SLC30A7: variants seen among roughly 807,000 people sequenced by gnomAD.
SLC30A7 encodes zinc transporter 7.
Under a neutral mutation model 46.0 loss-of-function variants are expected in SLC30A7, and 35 were observed. The ratio of observed to expected loss-of-function variants is 0.76; its 90% CI spans 0.58 to 1.01. The LOEUF (loss-of-function observed/expected upper bound fraction) is 1.01. Among genes scored for constraint, SLC30A7 ranks in the 50% least tolerant of loss-of-function variants. SLC30A7 has a pLI of 0.00. For missense variants in SLC30A7, 464 were observed against 451.1 expected, an observed-to-expected ratio of 1.03 and a Z score of -0.26; for synonymous variants, 147 against 157.8, an observed-to-expected ratio of 0.93 and a Z score of 0.51.
intron 8 of SLC30A7, among the ~76,000 whole-genome samples, chr1:100,960,353 G>C (rs898559404): frequency 6.6e-6 from 1 of 152,094 alleles, no homozygotes; most frequent in Non-Finnish European, 1.5e-5. Context: ...CCTGTGCCCT[G>C]TGCCCTTCTT....
chr1:100,901,601 C>T lies in SLC30A7; in HGVS notation c.182+4930C>T, dbSNP rs115467320. The stretch of plus-strand genomic sequence containing the variant: ...TCCCAAGTAGCTGGGAGTACAGCCA[C>T]GCCTGGCTAATTTTTGTATTTTTAG... On this transcript the variant is annotated intron_variant, in intron 2 of 10. Coordinates refer to ENST00000357650, the MANE Select transcript of SLC30A7 (RefSeq NM_133496.5). Among the ~76,000 whole-genome samples, 314 of 152,142 alleles carry T rather than the reference C, an allele frequency of 2.1e-3. 5 individuals carry two copies. The highest frequency in any genetic ancestry group is 7.3e-3 in the African/African-American group (303 of 41,514).
intron 8 of SLC30A7, among the ~76,000 whole-genome samples, chr1:100,932,781 A>G (rs967386410): frequency 6.6e-6 from 1 of 152,178 alleles, no homozygotes; most frequent in African/African-American, 2.4e-5. Flanking sequence ...ATACAGAGCT[A>G]GACTATAAAA....
intron 2 of SLC30A7, among the ~76,000 whole-genome samples, chr1:100,902,616 C>G (rs1651379270): frequency 6.6e-6 from 1 of 152,140 alleles, no homozygotes; most frequent in Non-Finnish European, 1.5e-5. Flanking sequence ...CTTCTGAGAG[C>G]TCTGAGGAAG....
In SLC30A7 at chr1:100,977,264, C is replaced by T. The variant is rs1656584395; in HGVS notation, c.*2407C>T. 1 of 152,130 alleles carries T rather than the reference C, an allele frequency of 6.6e-6. No individual in the cohort carries two copies. The highest frequency in any genetic ancestry group is 2.1e-4 in the South Asian group (1 of 4,828). The allele number at this position is 152,130 out of a possible 1,614,324, so 9.4% of individuals were successfully genotyped here. A position where few individuals can be genotyped will look rare whatever the true frequency, so the allele number is the denominator to read the frequency against. On this transcript the variant is annotated 3_prime_UTR_variant, in exon 11 of 11. Coordinates refer to ENST00000357650, the MANE Select transcript of SLC30A7 (RefSeq NM_133496.5). Reference sequence around the variant, plus strand: ...ATATGAATCATTTTATTTGACTGTACTATCAGTACACAAATGCATGAGTAT... The same window carrying T: ...ATATGAATCATTTTATTTGACTGTATTATCAGTACACAAATGCATGAGTAT...
At chr1:100,945,773 C>CT (rs1276032693) in intron 8 of SLC30A7, among the ~76,000 whole-genome samples, 1 of 152,140 alleles carries the variant, frequency 6.6e-6, no homozygotes, top group Non-Finnish European at 1.5e-5. Context: ...AATGCGGGCT[C>CT]TTTTTTGGTT....
Position 100,976,546 on chromosome 1 carries a change from G to T in SLC30A7, c.*1689G>T, listed in dbSNP as rs112441610. ...TCTCTGTGTTTTATGAAGAGAAAAT[G>T]ATCTGATTTTCCCTTATACTTCATT... On this transcript the variant is annotated 3_prime_UTR_variant, in exon 11 of 11. Coordinates refer to ENST00000357650, the MANE Select transcript of SLC30A7 (RefSeq NM_133496.5). 3.9e-5 allele frequency: 6 copies of T among 152,270 alleles called. No homozygotes were observed. The highest frequency in any genetic ancestry group is 1.2e-4 in the African/African-American group (5 of 41,554). 9.4% of individuals were successfully genotyped at this position (152,270 alleles called of 1,614,324 possible).
intron 8 of SLC30A7, among the ~76,000 whole-genome samples, chr1:100,951,545 A>G (rs1174712896): frequency 6.6e-6 from 1 of 152,162 alleles, no homozygotes; most frequent in East Asian, 1.9e-4. Context: ...TAATGCTCCA[A>G]GGTGCACCTC....
At chr1:100,948,397 C>T (rs184589224) in intron 8 of SLC30A7, among the ~76,000 whole-genome samples, 32 of 152,304 alleles carry the variant, frequency 2.1e-4, no homozygotes, top group African/African-American at 7.2e-4. Flanking sequence ...TTTAGGGTTT[C>T]TGCTGAGAGA....
the SLC30A7 span, chr1:100,992,517 A>G: frequency 1.5e-6 from 1 of 648,916 alleles, no homozygotes; most frequent in East Asian, 2.8e-5. Context: ...ATGACAAGAA[A>G]TAGTACAATA....
chr1:100,951,587 C>G lies in SLC30A7; in HGVS notation c.843-10241C>G, dbSNP rs115523210. On this transcript the variant is annotated intron_variant, in intron 8 of 10. Transcript: ENST00000357650. ...TCAGTTAGCACTGTCTCCCTACTGC[C>G]CAGTGTGCTCATGCCAGGCTCGTGG... 6.4e-3 allele frequency among the ~76,000 whole-genome samples: 971 copies of G among 152,244 alleles called. 4 individuals carry two copies. Among genetic ancestry groups the G allele is most frequent in the Admixed American group, 0.011 (163 of 15,294 alleles).
chr1:100,941,225 A>G, intron 8 of SLC30A7: 1 of 374,866 alleles, frequency 2.7e-6, no homozygotes, highest in Non-Finnish European at 5.2e-6. Context: ...TGCTTCCATT[A>G]TTACAAAATC....
chr1:100,927,853 A>G (rs58029001), intron 8 of SLC30A7, among the ~76,000 whole-genome samples: 42,446 of 152,002 alleles, frequency 0.28, 6,078 homozygotes, highest in Middle Eastern at 0.36. Flanking sequence ...GATAGGGTCA[A>G]TCTAATCCAC....
chr1:100,993,732 A>T, the SLC30A7 span, among the ~76,000 whole-genome samples: 1 of 150,934 alleles, frequency 6.6e-6, no homozygotes. Context: ...TATTAACAAA[A>T]AAGTTTGTAA....
intron 8 of SLC30A7, among the ~76,000 whole-genome samples, chr1:100,949,176 T>A (rs917463040): frequency 4.6e-5 from 7 of 152,182 alleles, no homozygotes; most frequent in African/African-American, 1.7e-4. Context: ...ACCTTTGGTC[T>A]ATGATGGGGT....
intron 6 of SLC30A7, among the ~76,000 whole-genome samples, chr1:100,914,456 A>T (rs758155074): frequency 6.6e-6 from 1 of 152,226 alleles, no homozygotes; most frequent in South Asian, 2.1e-4. Flanking sequence ...ATATTGGCTT[A>T]TAAAAATATG....
rs115399299 is a variant in SLC30A7 at position 100,950,102 on chromosome 1, G to A, written c.843-11726G>A. 1.6e-3 allele frequency among the ~76,000 whole-genome samples: 245 copies of A among 152,262 alleles called. 1 individual carries two copies. The highest frequency in any genetic ancestry group is 5.5e-3 in the African/African-American group (230 of 41,540). On this transcript the variant is annotated intron_variant, in intron 8 of 10. Transcript: ENST00000357650. ...ATCACCCGTCTTCTGCGTCGATCAC[G>A]CTGGGAGCTGCAGTGGTTCTTTAGT...
intron 8 of SLC30A7, among the ~76,000 whole-genome samples, chr1:100,924,497 T>A (rs1553237862): frequency 6.6e-6 from 1 of 152,162 alleles, no homozygotes; most frequent in Non-Finnish European, 1.5e-5. Context: ...TGGGAAGCAT[T>A]TCCTGATTCT....
the SLC30A7 span, among the ~76,000 whole-genome samples, chr1:100,987,564 C>T: frequency 6.6e-6 from 1 of 151,898 alleles, no homozygotes; most frequent in South Asian, 2.1e-4. Flanking sequence ...ACCACCCTAC[C>T]TTTTTGTCCA....
chr1:100,927,678 A>G (rs140596737), intron 8 of SLC30A7, among the ~76,000 whole-genome samples: 2,546 of 152,324 alleles, frequency 0.017, 33 homozygotes, highest in Middle Eastern at 0.031. Flanking sequence ...TGGAATAGAC[A>G]GAGAGTTAGA....
Sources: gnomAD v4.1 joint callset for allele counts (sites outside exome capture counted in the v4.1 genomes callset) on GRCh38, gnomAD v4.1.1 for gene constraint, MANE v1.5 for transcripts, NCBI Gene and HGNC (gene_info 2026-07-23, HGNC 2026-07-21) for gene names.